Variants in TBC1D5 observed in about 807,000 individuals in gnomAD.
The protein encoded by TBC1D5 is TBC1 domain family member 5.
TBC1D5 carries 75 observed loss-of-function variants against 100.3 expected under a neutral mutation model. The observed-to-expected ratio is 0.75, with a 90% CI of 0.62 to 0.91. The LOEUF is 0.91. Ranked by LOEUF, TBC1D5 falls within the 40% of genes least tolerant of loss-of-function variation. The probability of loss-of-function intolerance (pLI) is 0.00; values close to 1 mark genes in which losing one functional copy is unlikely to be tolerated. For missense variants in TBC1D5, 910 were observed against 942.4 expected (o/e 0.97, Z 0.45); for synonymous variants, 323 against 325.6 (o/e 0.99, Z 0.09).
intron 10 of TBC1D5, among the ~76,000 whole-genome samples, chr3:17,375,332 G>A (rs923228124): frequency 6.6e-6 from 1 of 152,026 alleles, no homozygotes; most frequent in Non-Finnish European, 1.5e-5. Context: ...ACTTTGGGAG[G>A]CTGAGGTGGG....
intron 1 of TBC1D5, among the ~76,000 whole-genome samples, chr3:17,655,103 A>G (rs538526636): frequency 1.8e-4 from 28 of 151,914 alleles, no homozygotes; most frequent in Admixed American, 1.3e-3. Context: ...GATCCTTTCA[A>G]AAAACCAGCT....
At chr3:17,269,930 G>A (rs1170131507) in intron 15 of TBC1D5, among the ~76,000 whole-genome samples, 1 of 152,030 alleles carries the variant, frequency 6.6e-6, no homozygotes, top group Non-Finnish European at 1.5e-5. Context: ...TGTATTTGCT[G>A]TTGTGAATAG....
chr3:17,433,223 G>C (rs2094475452), intron 3 of TBC1D5, among the ~76,000 whole-genome samples: 1 of 152,200 alleles, frequency 6.6e-6, no homozygotes, highest in Non-Finnish European at 1.5e-5. Context: ...GGCTACTTTA[G>C]AAGAAGCAGC....
chr3:17,683,428 T>C (rs1577446310), intron 1 of TBC1D5, among the ~76,000 whole-genome samples: 1 of 148,954 alleles, frequency 6.7e-6, no homozygotes, highest in South Asian at 2.1e-4. Flanking sequence ...ATGTAATTTT[T>C]CCTCAACAAT....
chr3:17,500,419 C>T lies in TBC1D5; in HGVS notation c.97+8055G>A, dbSNP rs184690608. ...CATTAAAGCGTAAGAATATTCTTCG[C>T]CATCTAAATGTTCATCATTGATATT... is the stretch of plus-strand genomic sequence containing the variant. On this transcript the variant is annotated intron_variant, in intron 3 of 21. Transcript: ENST00000253692. 4.1e-3 allele frequency among the ~76,000 whole-genome samples: 617 copies of T among 149,378 alleles called. 9 individuals carry two copies. The highest frequency in any genetic ancestry group is 6.3e-3 in the Non-Finnish European group (425 of 67,878).
At chr3:17,361,225 C>CCTAATTT (rs1295678779) in intron 13 of TBC1D5, among the ~76,000 whole-genome samples, 1 of 151,820 alleles carries the variant, frequency 6.6e-6, no homozygotes, top group East Asian at 1.9e-4. Context: ...AGCTGAGTTG[C>CCTAATTT]CTAATTTTTT....
intron 2 of TBC1D5, among the ~76,000 whole-genome samples, chr3:17,529,963 C>T (rs939733973): frequency 6.6e-6 from 1 of 152,022 alleles, no homozygotes; most frequent in Non-Finnish European, 1.5e-5. Context: ...GTAAAAACAG[C>T]CTGGGCACGG....
At chr3:17,318,983 G>C (rs2085036065) in intron 13 of TBC1D5, among the ~76,000 whole-genome samples, 1 of 152,088 alleles carries the variant, frequency 6.6e-6, no homozygotes, top group African/African-American at 2.4e-5. Flanking sequence ...AACTCATTAA[G>C]GAAACTATAA....
At chr3:17,730,859 C>T (rs544511382) in intron 1 of TBC1D5, among the ~76,000 whole-genome samples, 6 of 152,076 alleles carry the variant, frequency 3.9e-5, no homozygotes, top group African/African-American at 1.5e-4. Context: ...CTGGCACTCA[C>T]AGAGCAGTCA....
intron 1 of TBC1D5, among the ~76,000 whole-genome samples, chr3:17,669,152 T>C (rs1013445723): frequency 1.3e-5 from 2 of 152,172 alleles, no homozygotes; most frequent in South Asian, 4.1e-4. Flanking sequence ...CAGGTCTGAT[T>C]ATTTTTAAAA....
chr3:17,461,718 A>G (rs1187829062), intron 3 of TBC1D5, among the ~76,000 whole-genome samples: 1 of 152,104 alleles, frequency 6.6e-6, no homozygotes, highest in Non-Finnish European at 1.5e-5. Flanking sequence ...TCCCTACCAA[A>G]GAATCAAATG....
chr3:17,211,391 A>G (rs1175341006), intron 18 of TBC1D5, among the ~76,000 whole-genome samples: 2 of 152,238 alleles, frequency 1.3e-5, no homozygotes, highest in African/African-American at 4.8e-5. Context: ...GCATTTAAGT[A>G]TATTCATTAC....
intron 1 of TBC1D5, among the ~76,000 whole-genome samples, chr3:17,645,853 C>G (rs1308218716): frequency 1.3e-5 from 2 of 152,028 alleles, no homozygotes; most frequent in Non-Finnish European, 2.9e-5. Flanking sequence ...CTAGTAGCAC[C>G]AGCATTCTCT....
intron 1 of TBC1D5, among the ~76,000 whole-genome samples, chr3:17,661,150 G>T (rs1288462363): frequency 6.6e-6 from 1 of 152,082 alleles, no homozygotes; most frequent in African/African-American, 2.4e-5. Context: ...GAATAATGTT[G>T]CATACATTTC....
At chr3:17,408,699 T>G (rs2093841165) in intron 4 of TBC1D5, among the ~76,000 whole-genome samples, 1 of 152,156 alleles carries the variant, frequency 6.6e-6, no homozygotes, top group South Asian at 2.1e-4. Flanking sequence ...GAAAAGTTTT[T>G]CATACATTAA....
chr3:17,634,035 A>T (rs1256304402), intron 1 of TBC1D5, among the ~76,000 whole-genome samples: 1 of 152,208 alleles, frequency 6.6e-6, no homozygotes, highest in Non-Finnish European at 1.5e-5. Flanking sequence ...CACCACAGGT[A>T]AAATGGCTTA....
intron 2 of TBC1D5, among the ~76,000 whole-genome samples, chr3:17,540,961 T>C (rs1324036649): frequency 6.7e-6 from 1 of 149,292 alleles, no homozygotes; most frequent in African/African-American, 2.5e-5. Context: ...AAAAAATCAG[T>C]TGACCATATA....
chr3:17,503,681 A>G (rs2095810989), intron 3 of TBC1D5, among the ~76,000 whole-genome samples: 1 of 149,768 alleles, frequency 6.7e-6, no homozygotes, highest in South Asian at 2.1e-4. Flanking sequence ...TATCAAGAAT[A>G]CTATCTACAC....
chr3:17,324,562 T>C (rs903532299), intron 13 of TBC1D5, among the ~76,000 whole-genome samples: 2 of 152,060 alleles, frequency 1.3e-5, no homozygotes, highest in African/African-American at 4.8e-5. Flanking sequence ...AAGAATTGCT[T>C]GAACCCAGGA....
Sources: gnomAD v4.1 joint callset for allele counts (sites outside exome capture counted in the v4.1 genomes callset) on GRCh38, gnomAD v4.1.1 for gene constraint, MANE v1.5 for transcripts, NCBI Gene and HGNC (gene_info 2026-07-23, HGNC 2026-07-21) for gene names.